Variants in OTOF observed in about 807,000 individuals in gnomAD.
OTOF encodes the protein otoferlin, also known as fer-1-like family member 2.
OTOF carries 218 observed loss-of-function variants against 236.8 expected under a neutral mutation model. The ratio of observed to expected loss-of-function variants is 0.92; its 90% CI spans 0.82 to 1.03. OTOF has a LOEUF of 1.03. Among genes scored for constraint, OTOF ranks in the 50% least tolerant of loss-of-function variants. OTOF has a pLI of 0.00. For synonymous variants in OTOF, 1,041 were observed against 1,072.5 expected (o/e 0.97, Z 0.57); for missense variants, 2,590 against 2,694.4 (o/e 0.96, Z 0.86).
intron 11 of OTOF, 76 bp downstream of exon 11, chr2:26,489,135 C>T (rs1322279224): frequency 9.5e-7 from 1 of 1,053,994 alleles, no homozygotes; most frequent in Non-Finnish European, 1.4e-6. Flanking sequence ...GGAACTGCCA[C>T]AGTGGGAAGG....
chr2:26,536,326 C>T (rs1667067914), intron 2 of OTOF, among the ~76,000 whole-genome samples: 1 of 152,182 alleles, frequency 6.6e-6, no homozygotes, highest in Non-Finnish European at 1.5e-5. Flanking sequence ...GGTCATTGTA[C>T]AGCCAGGAGG....
chr2:26,553,261 C>G (rs1454037625), intron 1 of OTOF, among the ~76,000 whole-genome samples: 4 of 152,128 alleles, frequency 2.6e-5, no homozygotes, highest in African/African-American at 9.7e-5. Flanking sequence ...GTGGCTTCCC[C>G]GACATGGAAC....
At chr2:26,515,947 G>T (rs1399335716) in intron 5 of OTOF, among the ~76,000 whole-genome samples, 2 of 152,200 alleles carry the variant, frequency 1.3e-5, no homozygotes, top group South Asian at 2.1e-4. Context: ...AGGAAGAAAG[G>T]CCAGGGCCCA....
chr2:26,489,050 C>T (rs1432977584), intron 11 of OTOF, among the ~76,000 whole-genome samples, 161 bp downstream of exon 11: 8 of 152,238 alleles, frequency 5.3e-5, no homozygotes, highest in South Asian at 4.1e-4. Flanking sequence ...AGACTGTGCG[C>T]GCCACTTCTC....
At chr2:26,543,326 G>A (rs1312312383) in intron 1 of OTOF, among the ~76,000 whole-genome samples, 1 of 152,186 alleles carries the variant, frequency 6.6e-6, no homozygotes, top group Non-Finnish European at 1.5e-5. Context: ...CTGGGAGCTG[G>A]CCATCCAACC....
chr2:26,537,447 C>G (rs180764493), intron 2 of OTOF, among the ~76,000 whole-genome samples: 1 of 152,346 alleles, frequency 6.6e-6, no homozygotes, highest in East Asian at 1.9e-4. Flanking sequence ...CCAGACCCAG[C>G]AGGGCCGTCG....
intron 1 of OTOF, among the ~76,000 whole-genome samples, chr2:26,556,306 G>T (rs1013987756): frequency 6.6e-6 from 1 of 152,196 alleles, no homozygotes; most frequent in African/African-American, 2.4e-5. Context: ...ATTGTAGAGC[G>T]GGTCCATTCC....
At chr2:26,534,682 G>T (rs187765696) in intron 2 of OTOF, among the ~76,000 whole-genome samples, 3 of 152,090 alleles carry the variant, frequency 2.0e-5, no homozygotes, top group Admixed American at 2.0e-4. Context: ...TGACAGTCCC[G>T]TGGGGCAGAT....
chr2:26,482,407 T>C lies in OTOF; in HGVS notation c.1578A>G (p.Lys526=). The C allele has an allele frequency of 1.2e-6, 2 of 1,613,088 alleles. No homozygotes were observed. The highest frequency in any genetic ancestry group is 2.2e-5 in the South Asian group (2 of 91,082). ...CACACCGGGTCTCCCGCTGCTGACCTTTGTCTCCGTCATTAGAAATCTTGC... is the reference window on the plus strand; with the variant it reads ...CACACCGGGTCTCCCGCTGCTGACCCTTGTCTCCGTCATTAGAAATCTTGC... ...DLRKISNDGD[K]GFLPTLGPAW... is the part of the protein sequence containing the mutation. The change falls in exon 14 of 47, where the codon AAA becomes AAG. Residue 526 remains lysine (K), a splice_region_variant and synonymous_variant. Coordinates refer to ENST00000272371, the MANE Select transcript of OTOF (RefSeq NM_194248.3).
chr2:26,539,171 A>G (rs946542000), intron 1 of OTOF, among the ~76,000 whole-genome samples: 1 of 152,144 alleles, frequency 6.6e-6, no homozygotes, highest in Non-Finnish European at 1.5e-5. Context: ...AGAAACAGTA[A>G]TGGTACAGAG....
intron 33 of OTOF, 116 bp downstream of exon 33, chr2:26,468,292 A>T: frequency 1.2e-6 from 1 of 813,594 alleles, no homozygotes; most frequent in Non-Finnish European, 2.2e-6. Flanking sequence ...TTCCCTGGCT[A>T]CTAAGGCTGG....
chr2:26,530,315 TGA>T (rs1194171349), intron 2 of OTOF, among the ~76,000 whole-genome samples: 1 of 151,584 alleles, frequency 6.6e-6, no homozygotes, highest in African/African-American at 2.4e-5. Flanking sequence ...GTTTGTTGAG[TGA>T]GAGTCGGGGG....
intron 2 of OTOF, among the ~76,000 whole-genome samples, chr2:26,535,231 G>A (rs1667041984): frequency 2.0e-5 from 3 of 152,210 alleles, no homozygotes. Context: ...TATCCAGAGA[G>A]GGCTTAGGTC....
chr2:26,472,464 G>A (rs1665034011), intron 30 of OTOF, 55 bp downstream of exon 30: 10 of 1,609,116 alleles, frequency 6.2e-6, no homozygotes, highest in Non-Finnish European at 8.5e-6. Flanking sequence ...CACAGGATGT[G>A]TCACACGAAG....
Position 26,457,859 on chromosome 2 carries a change from G to T in OTOF, c.*379C>A. On this transcript the variant is annotated 3_prime_UTR_variant, in exon 47 of 47. Coordinates refer to ENST00000272371, the MANE Select transcript of OTOF (RefSeq NM_194248.3). The surrounding 1 kb of genome is among the most constrained non-coding windows in gnomAD (Gnocchi z 4.4). ...GCAGGGGTCAGAGGGGCGGGACTGG[G>T]CAAGCCGCAGCCTGGGGCAGTGAGG... The T allele has an allele frequency of 1.6e-6, 1 of 642,540 alleles. No homozygotes were observed. The highest frequency in any genetic ancestry group is 2.7e-6 in the Non-Finnish European group (1 of 371,738). 39.8% of individuals were successfully genotyped at this position (642,540 alleles called of 1,614,324 possible). A position where few individuals can be genotyped will look rare whatever the true frequency, so the allele number is the denominator to read the frequency against.
intron 1 of OTOF, among the ~76,000 whole-genome samples, chr2:26,555,742 T>C (rs1313374258): frequency 6.6e-6 from 1 of 152,008 alleles, no homozygotes; most frequent in African/African-American, 2.4e-5. Context: ...CTCTTCCCTT[T>C]ATATCTCACA....
chr2:26,556,034 T>A (rs1667577603), intron 1 of OTOF, among the ~76,000 whole-genome samples: 1 of 152,212 alleles, frequency 6.6e-6, no homozygotes, highest in African/African-American at 2.4e-5. Context: ...AGGAGGGCTC[T>A]TTCCTTAGTG....
intron 1 of OTOF, among the ~76,000 whole-genome samples, chr2:26,539,585 A>T (rs1667162153): frequency 6.6e-6 from 1 of 152,036 alleles, no homozygotes; most frequent in South Asian, 2.1e-4. Flanking sequence ...AAAATACAAA[A>T]ATAGCTGGGT....
chr2:26,547,153 A>G (rs1450628140), intron 1 of OTOF, among the ~76,000 whole-genome samples: 2 of 152,152 alleles, frequency 1.3e-5, no homozygotes, highest in Admixed American at 6.5e-5. Flanking sequence ...AGCTCCTTTT[A>G]TTGGTAGTTT....
Sources: allele counts gnomAD v4.1 joint callset (sites outside exome capture counted in the v4.1 genomes callset), GRCh38; gene constraint gnomAD v4.1.1; non-coding constraint Gnocchi (gnomAD v3.1); transcripts MANE v1.5; gene names NCBI Gene and HGNC (gene_info 2026-07-23, HGNC 2026-07-21).